The following THBS4 variants were observed in gnomAD, a reference collection of about 807,000 sequenced individuals.
THBS4 encodes the protein thrombospondin-4.
Under a neutral mutation model 115.7 loss-of-function variants are expected in THBS4, and 90 were observed. That is an observed-to-expected ratio of 0.78 (90% CI 0.66 to 0.93). The LOEUF (loss-of-function observed/expected upper bound fraction) is 0.93. Among genes scored for constraint, THBS4 ranks in the 40% least tolerant of loss-of-function variants. The pLI is 0.00. For synonymous variants in THBS4, 460 were observed against 479.3 expected (o/e 0.96, Z 0.53); for missense variants, 1,087 against 1,232.7 (o/e 0.88, Z 1.77).
intron 2 of THBS4, among the ~76,000 whole-genome samples, chr5:80,019,041 G>GTTT (rs537532061): frequency 1.5e-5 from 2 of 134,998 alleles, no homozygotes; most frequent in African/African-American, 2.7e-5. Context: ...CTCTGTGATT[G>GTTT]TTTTTTTTTT....
At chr5:80,058,179 C>A (rs553486383) in intron 3 of THBS4, 27 bp from the exon 4 acceptor site, 4 of 1,531,988 alleles carry the variant, frequency 2.6e-6, no homozygotes, top group African/African-American at 2.7e-5. Flanking sequence ...TGTCAGCAAT[C>A]TGTGGTATGA....
intron 1 of THBS4, among the ~76,000 whole-genome samples, chr5:79,995,526 G>C (rs957176916): frequency 2.6e-5 from 4 of 151,312 alleles, no homozygotes; most frequent in Admixed American, 2.6e-4. Flanking sequence ...CAAAGTTTTT[G>C]AAAGAGACGA....
chr5:80,026,007 C>G (rs1434237426), intron 2 of THBS4, among the ~76,000 whole-genome samples: 1 of 152,164 alleles, frequency 6.6e-6, no homozygotes, highest in Non-Finnish European at 1.5e-5. Context: ...GTCGGAAAGT[C>G]ATTTTTAACT....
At chr5:80,050,913 C>T (rs1314571438) in intron 2 of THBS4, among the ~76,000 whole-genome samples, 1 of 151,818 alleles carries the variant, frequency 6.6e-6, no homozygotes, top group Admixed American at 6.6e-5. Context: ...TGACTGTTTT[C>T]CTGAGTGCTT....
rs1833415533 is a variant in THBS4 at position 80,055,963 on chromosome 5, C to T, written c.471C>T (p.Pro157=). Reference sequence around the variant, plus strand: ...AGGTGGATTCCGTTCACAATCTCCCCAGGGCCTTTGCTGGCCCCTCCCAGA... The same window carrying T: ...AGGTGGATTCCGTTCACAATCTCCCTAGGGCCTTTGCTGGCCCCTCCCAGA... ...CIQVDSVHNL[P]RAFAGPSQKP... is the part of the protein sequence containing the mutation. Residue 157 remains proline, a synonymous_variant, in exon 3 of 22, where the codon CCC becomes CCT. Coordinates refer to ENST00000350881, the MANE Select transcript of THBS4 (RefSeq NM_003248.6). 3.1e-6 allele frequency: 5 copies of T among 1,614,040 alleles called. No homozygotes were observed. Among genetic ancestry groups the T allele is most frequent in the Middle Eastern group, 1.6e-4 (1 of 6,082 alleles).
chr5:80,009,678 A>G (rs989868005), intron 2 of THBS4, among the ~76,000 whole-genome samples: 12 of 152,316 alleles, frequency 7.9e-5, no homozygotes, highest in African/African-American at 2.6e-4. Context: ...AGTGATTCAA[A>G]CAAGTTTCCA....
chr5:80,058,134 T>C lies in THBS4; in HGVS notation c.541-72T>C. The stretch of plus-strand genomic sequence containing the variant: ...TACAGGACTACTTGATTATGAAAAT[T>C]GCGTGAGTAGGCAAGCACATTGGCT... On this transcript the variant is annotated intron_variant, in intron 3 of 21. Transcript: ENST00000350881. The C allele has an allele frequency of 2.6e-6, 3 of 1,160,276 alleles. No homozygotes were observed. In the Admixed American group the frequency reaches 6.0e-5, roughly 23 times the overall value. The allele number at this position is 1,160,276 out of a possible 1,614,324, so 71.9% of individuals were successfully genotyped here.
chr5:80,050,947 G>A (rs565386191), intron 2 of THBS4, among the ~76,000 whole-genome samples: 2 of 152,306 alleles, frequency 1.3e-5, no homozygotes, highest in South Asian at 4.1e-4. Flanking sequence ...CCAGGCAGAG[G>A]TGTGGTCGAG....
At chr5:80,020,270 A>C (rs1464817312) in intron 2 of THBS4, among the ~76,000 whole-genome samples, 1 of 152,132 alleles carries the variant, frequency 6.6e-6, no homozygotes, top group African/African-American at 2.4e-5. Context: ...CAGGAGATCG[A>C]GACCATCCTG....
chr5:80,029,739 C>T (rs1167643576), intron 2 of THBS4, among the ~76,000 whole-genome samples: 4 of 151,176 alleles, frequency 2.6e-5, no homozygotes, highest in East Asian at 3.9e-4. Context: ...GCGGGCTGAT[C>T]GTGAGGTCAG....
chr5:80,044,934 A>G (rs1488913087), intron 2 of THBS4, among the ~76,000 whole-genome samples: 1 of 152,126 alleles, frequency 6.6e-6, no homozygotes, highest in Non-Finnish European at 1.5e-5. Context: ...CGTAAAGACA[A>G]CTTTCCAGTT....
intron 20 of THBS4, 39 bp downstream of exon 20, chr5:80,080,116 C>A: frequency 3.8e-6 from 6 of 1,590,918 alleles, no homozygotes; most frequent in Non-Finnish European, 5.1e-6. Flanking sequence ...GCTCTAGAAG[C>A]AAAGCATTCT....
intron 2 of THBS4, among the ~76,000 whole-genome samples, chr5:80,027,081 T>C (rs1249982434): frequency 2.0e-5 from 3 of 152,224 alleles, no homozygotes; most frequent in East Asian, 1.9e-4. Flanking sequence ...CATGTGGACA[T>C]TGGCAATAAT....
chr5:80,076,349 AC>A (rs1450066571), intron 15 of THBS4: 1 of 152,284 alleles, frequency 6.6e-6, no homozygotes, highest in Non-Finnish European at 1.5e-5. Flanking sequence ...TTAATATGCA[AC>A]ATTCTGATTT....
chr5:80,049,200 T>TA (rs1833173003), intron 2 of THBS4, among the ~76,000 whole-genome samples: 4 of 152,244 alleles, frequency 2.6e-5, no homozygotes, highest in Admixed American at 1.3e-4. Context: ...CTTTTGAAAA[T>TA]TCTTTCTGAA....
intron 2 of THBS4, among the ~76,000 whole-genome samples, chr5:80,002,771 T>C (rs1184786099): frequency 9.1e-5 from 13 of 143,258 alleles, no homozygotes; most frequent in Admixed American, 1.4e-4. Flanking sequence ...AAGGAAAACC[T>C]AAGAACAAAA....
In THBS4 at chr5:80,022,826, C is replaced by G. The variant is rs576671059; in HGVS notation, n.178-17251C>G. Among the ~76,000 whole-genome samples, 3 of 152,300 alleles carry G rather than the reference C, an allele frequency of 2.0e-5. No individual in the cohort carries two copies. In the East Asian group the frequency reaches 5.8e-4, roughly 29 times the overall value. On this transcript the variant is annotated intron_variant and non_coding_transcript_variant, in intron 2 of 3. Coordinates refer to the THBS4 transcript ENST00000510218. ...TTTCATGCTTTTTAATTTGCAAGGA[C>G]ATTTTTATATAAGAAGCAGGTTTCT...
intron 7 of THBS4, among the ~76,000 whole-genome samples, chr5:80,060,285 C>A (rs1434094682): frequency 6.6e-6 from 1 of 152,174 alleles, no homozygotes; most frequent in East Asian, 1.9e-4. Flanking sequence ...TCAGGAGTCA[C>A]CGTGGATTTC....
At chr5:80,023,432 C>T (rs758800986) in intron 2 of THBS4, among the ~76,000 whole-genome samples, 2 of 152,188 alleles carry the variant, frequency 1.3e-5, no homozygotes, top group Non-Finnish European at 2.9e-5. Context: ...CTAAGTCCTG[C>T]TGTATTTTCC....
Sources: gnomAD v4.1 joint callset for allele counts (sites outside exome capture counted in the v4.1 genomes callset) on GRCh38, gnomAD v4.1.1 for gene constraint, MANE v1.5 for transcripts, NCBI Gene and HGNC (gene_info 2026-07-23, HGNC 2026-07-21) for gene names.